Variants in TMEM132D observed in about 807,000 individuals in gnomAD.
The protein encoded by TMEM132D is mature OL transmembrane protein.
Under a neutral mutation model 62.3 loss-of-function variants are expected in TMEM132D, and 21 were observed. The observed-to-expected ratio is 0.34, with a 90% CI of 0.24 to 0.49. TMEM132D has a LOEUF of 0.49. Among genes scored for constraint, TMEM132D ranks in the 20% least tolerant of loss-of-function variants. The probability of loss-of-function intolerance (pLI) is 0.99; values close to 1 mark genes in which losing one functional copy is unlikely to be tolerated. For synonymous variants in TMEM132D, 621 were observed against 575.6 expected, an observed-to-expected ratio of 1.08 and a Z score of -1.13; for missense variants, 1,346 against 1,402.8, an observed-to-expected ratio of 0.96 and a Z score of 0.65.
intron 5 of TMEM132D, among the ~76,000 whole-genome samples, chr12:129,131,884 G>C (rs560743469): frequency 1.3e-5 from 2 of 152,206 alleles, no homozygotes; most frequent in South Asian, 2.1e-4. Context: ...AAAATTAAAA[G>C]CAAATATTTC....
chr12:129,261,118 C>T (rs537383536), intron 4 of TMEM132D, among the ~76,000 whole-genome samples: 1 of 152,320 alleles, frequency 6.6e-6, no homozygotes, highest in Admixed American at 6.5e-5. Flanking sequence ...TGCTAACTTA[C>T]ATTCCCACCA....
chr12:129,335,947 T>C (rs559915595), intron 4 of TMEM132D, among the ~76,000 whole-genome samples: 81 of 152,280 alleles, frequency 5.3e-4, no homozygotes, highest in Non-Finnish European at 7.1e-4. Flanking sequence ...GTCTGCAGAA[T>C]ATAGATGTGA....
intron 2 of TMEM132D, among the ~76,000 whole-genome samples, chr12:129,687,911 C>T (rs1334000319): frequency 6.6e-6 from 1 of 152,018 alleles, no homozygotes; most frequent in Non-Finnish European, 1.5e-5. Flanking sequence ...GAAAACAGAC[C>T]CAGTACAAAT....
chr12:129,264,376 G>A (rs192362348), intron 4 of TMEM132D, among the ~76,000 whole-genome samples: 7 of 152,132 alleles, frequency 4.6e-5, no homozygotes, highest in East Asian at 1.9e-4. Flanking sequence ...GCGACAGAGC[G>A]AAATCCTGTC....
intron 3 of TMEM132D, among the ~76,000 whole-genome samples, chr12:129,364,726 G>A (rs1261427338): frequency 6.6e-6 from 1 of 152,146 alleles, no homozygotes; most frequent in African/African-American, 2.4e-5. Flanking sequence ...ATTCATTCCA[G>A]GCATCATTAT....
At chr12:129,473,387 T>G (rs1315471102) in intron 3 of TMEM132D, among the ~76,000 whole-genome samples, 1 of 126,792 alleles carries the variant, frequency 7.9e-6, no homozygotes, top group African/African-American at 2.9e-5. Context: ...TGGAGTGCAG[T>G]GGCATGATCT....
At chr12:129,848,848 C>A (rs751476295) in intron 1 of TMEM132D, among the ~76,000 whole-genome samples, 2 of 152,168 alleles carry the variant, frequency 1.3e-5, no homozygotes, top group Non-Finnish European at 2.9e-5. Context: ...AGGACAACCA[C>A]GTGAAGAAGT....
At chr12:129,638,947 A>G (rs1046114098) in intron 2 of TMEM132D, among the ~76,000 whole-genome samples, 1 of 152,174 alleles carries the variant, frequency 6.6e-6, no homozygotes, top group African/African-American at 2.4e-5. Context: ...GTTTCAAATG[A>G]AAAAAACAAA....
chr12:129,353,187 C>A (rs982263809), intron 3 of TMEM132D, among the ~76,000 whole-genome samples: 7 of 146,064 alleles, frequency 4.8e-5, no homozygotes, highest in Non-Finnish European at 1.0e-4. Context: ...TTGTGAACAA[C>A]CATGTTAGAG....
At chr12:129,869,642 G>C (rs1426196496) in intron 1 of TMEM132D, among the ~76,000 whole-genome samples, 1 of 152,196 alleles carries the variant, frequency 6.6e-6, no homozygotes, top group Non-Finnish European at 1.5e-5. Context: ...GCACTGTCTG[G>C]AAAGTGAACA....
intron 5 of TMEM132D, among the ~76,000 whole-genome samples, chr12:129,206,078 G>T (rs557127680): frequency 1.4e-4 from 22 of 152,182 alleles, no homozygotes; most frequent in Admixed American, 5.9e-4. Context: ...AAAAGCAATT[G>T]CAACAAAAAC....
chr12:129,287,987 C>T (rs1881350350), intron 4 of TMEM132D, among the ~76,000 whole-genome samples: 1 of 152,208 alleles, frequency 6.6e-6, no homozygotes, highest in African/African-American at 2.4e-5. Flanking sequence ...TGTGATGCCT[C>T]TAGCTTTGTT....
At chr12:129,470,584 G>A (rs1406724709) in intron 3 of TMEM132D, among the ~76,000 whole-genome samples, 2 of 152,086 alleles carry the variant, frequency 1.3e-5, no homozygotes, top group Admixed American at 1.3e-4. Flanking sequence ...CAAATAAAGT[G>A]GCTGTATTGG....
chr12:129,420,442 A>G (rs554650114), intron 3 of TMEM132D, among the ~76,000 whole-genome samples: 171 of 151,876 alleles, frequency 1.1e-3, no homozygotes, highest in African/African-American at 4.0e-3. Context: ...ACCATCTCAA[A>G]TACCGTGAAG....
At chr12:129,543,159 A>ATGGGTGGG (rs1204354689) in intron 2 of TMEM132D, among the ~76,000 whole-genome samples, 1 of 63,008 alleles carries the variant, frequency 1.6e-5, no homozygotes, top group Non-Finnish European at 3.1e-5. Flanking sequence ...AGATGGATGA[A>ATGGGTGGG]TGGGTGGGTG....
chr12:129,703,954 A>C (rs1335668450), intron 1 of TMEM132D, among the ~76,000 whole-genome samples: 6 of 150,594 alleles, frequency 4.0e-5, no homozygotes, highest in African/African-American at 1.5e-4. Flanking sequence ...ATCCATGCTG[A>C]AAATTAGGTA....
intron 1 of TMEM132D, among the ~76,000 whole-genome samples, chr12:129,755,448 C>A (rs1285130739): frequency 6.6e-6 from 1 of 152,160 alleles, no homozygotes; most frequent in Non-Finnish European, 1.5e-5. Context: ...TGGACAGCAG[C>A]TGGAATGGCT....
At chr12:129,633,354 A>T (rs1055325226) in intron 2 of TMEM132D, among the ~76,000 whole-genome samples, 1 of 152,192 alleles carries the variant, frequency 6.6e-6, no homozygotes, top group Non-Finnish European at 1.5e-5. Context: ...AAACAATATA[A>T]ATCCAATGAG....
intron 4 of TMEM132D, among the ~76,000 whole-genome samples, chr12:129,330,893 T>C (rs1008647244): frequency 1.3e-5 from 2 of 152,164 alleles, no homozygotes; most frequent in Admixed American, 1.3e-4. Context: ...CAAAGGGACA[T>C]ACTGAGCCTA....
Sources: allele counts gnomAD v4.1 joint callset (sites outside exome capture counted in the v4.1 genomes callset), GRCh38; gene constraint gnomAD v4.1.1; transcripts MANE v1.5; gene names NCBI Gene and HGNC (gene_info 2026-07-23, HGNC 2026-07-21).